FAM120B: variants seen among roughly 807,000 people sequenced by gnomAD.
The protein encoded by FAM120B is constitutive coactivator of peroxisome proliferator-activated receptor gamma.
Under a neutral mutation model 96.3 loss-of-function variants are expected in FAM120B, and 83 were observed. The ratio of observed to expected loss-of-function variants is 0.86; its 90% CI spans 0.72 to 1.03. FAM120B has a LOEUF of 1.03. FAM120B is among the 50% of genes least tolerant of loss of function. FAM120B has a pLI of 0.00. For synonymous variants in FAM120B, 407 were observed against 402.7 expected, an observed-to-expected ratio of 1.01 and a Z score of -0.13; for missense variants, 1,027 against 1,121.2, an observed-to-expected ratio of 0.92 and a Z score of 1.20.
At chr6:170,358,719 C>T (rs747464497) in intron 6 of FAM120B, among the ~76,000 whole-genome samples, 10 of 152,210 alleles carry the variant, frequency 6.6e-5, no homozygotes, top group African/African-American at 2.4e-4. Context: ...CCTCCTGGCG[C>T]GTTGGCTGTG....
chr6:170,318,004 T>C lies in FAM120B; in HGVS notation c.614T>C (p.Met205Thr), dbSNP rs572861917. The C allele has an allele frequency of 1.9e-6, 3 of 1,613,880 alleles. No individual in the cohort carries two copies. In the East Asian group the frequency reaches 6.7e-5, roughly 36 times the overall value. Residue 205 changes from methionine to threonine, a missense_variant, in exon 2 of 11, where the codon ATG becomes ACG. Met to Thr is a moderately conservative substitution (Grantham distance 81, BLOSUM62 -1). Around this residue, in one of 3 missense-constraint regions of FAM120B, gnomAD observed 880 missense variants for 980.9 expected, o/e 0.90. Coordinates refer to ENST00000476287, the MANE Select transcript of FAM120B (RefSeq NM_032448.3). Reference sequence around the variant, plus strand: ...TGCCTAGAGAGCCTGGACACCGTCATGCTCTGCAGAGAGAAGCTCTGTGAG... The same window carrying C: ...TGCCTAGAGAGCCTGGACACCGTCACGCTCTGCAGAGAGAAGCTCTGTGAG... The part of the protein sequence containing the change: ...ELCLESLDTV[M>T]LCREKLCESL...
At chr6:170,403,378 C>A (rs371290934) in intron 9 of FAM120B, among the ~76,000 whole-genome samples, 14 of 152,222 alleles carry the variant, frequency 9.2e-5, no homozygotes, top group African/African-American at 3.1e-4. Context: ...TTTGGTATTT[C>A]TTGAAGATAT....
intron 1 of FAM120B, among the ~76,000 whole-genome samples, chr6:170,297,687 C>G (rs556147409): frequency 7.9e-4 from 120 of 152,240 alleles, no homozygotes; most frequent in Non-Finnish European, 1.4e-3. Context: ...GTTGGGGGCC[C>G]GTGCTGGGGA....
chr6:170,385,530 G>A (rs1410726255), intron 6 of FAM120B, among the ~76,000 whole-genome samples: 1 of 152,100 alleles, frequency 6.6e-6, no homozygotes, highest in Non-Finnish European at 1.5e-5. Flanking sequence ...TATGTCATTC[G>A]CAGGAGTTCT....
intron 5 of FAM120B, among the ~76,000 whole-genome samples, chr6:170,356,462 G>A (rs1174553150): frequency 6.6e-6 from 1 of 152,166 alleles, no homozygotes; most frequent in African/African-American, 2.4e-5. Context: ...TAAATTCGAT[G>A]TTTTGATGTG....
intron 6 of FAM120B, among the ~76,000 whole-genome samples, chr6:170,368,906 G>A (rs1262655671): frequency 6.6e-6 from 1 of 150,914 alleles, no homozygotes; most frequent in East Asian, 2.1e-4. Flanking sequence ...GTCTCCTGAG[G>A]GCACTCACCT....
In FAM120B at chr6:170,335,046, G is replaced by T. The variant is rs78541263; in HGVS notation, c.2017+4496G>T. ...TCAGGGTTTTTTGAGTTTTTTTTTT[G>T]TTTTTTTTTTTAATGTAAGTTCTGG... On this transcript the variant is annotated intron_variant, in intron 4 of 10. Transcript: ENST00000476287. 0.01 allele frequency among the ~76,000 whole-genome samples: 1,363 copies of T among 133,972 alleles called. 62 individuals are homozygous for T. In the East Asian group the frequency reaches 0.11, roughly 11 times the overall value. The allele number at this position is 133,972 out of a possible 152,430, so 87.9% of individuals were successfully genotyped here. A position where few individuals can be genotyped will look rare whatever the true frequency, so the allele number is the denominator to read the frequency against.
upstream of FAM120B, among the ~76,000 whole-genome samples, chr6:170,302,118 T>A (rs2005444): frequency 0.1 from 15,605 of 152,234 alleles, 902 homozygotes; most frequent in African/African-American, 0.14. Context: ...CTGGGTGATT[T>A]ATAAAGGAAA....
intron 6 of FAM120B, among the ~76,000 whole-genome samples, chr6:170,386,328 AAC>A (rs1394112367): frequency 6.9e-4 from 105 of 152,266 alleles, no homozygotes; most frequent in Non-Finnish European, 1.4e-3. Flanking sequence ...AAAACTGATA[AAC>A]CTGTTACTAA....
intron 6 of FAM120B, among the ~76,000 whole-genome samples, chr6:170,362,721 G>C (rs1294692210): frequency 7.2e-6 from 1 of 139,490 alleles, no homozygotes; most frequent in Non-Finnish European, 1.5e-5. Context: ...TGGCTCTGTT[G>C]CCCAGACTGG....
intron 3 of FAM120B, among the ~76,000 whole-genome samples, chr6:170,330,183 C>A (rs966631706): frequency 2.0e-5 from 3 of 152,222 alleles, no homozygotes; most frequent in Non-Finnish European, 4.4e-5. Flanking sequence ...ACATGGTAAA[C>A]TCTCTCTCCC....
At chr6:170,291,917 G>C (rs1231876615), upstream of FAM120B, among the ~76,000 whole-genome samples, 5 of 152,226 alleles carry the variant, frequency 3.3e-5, no homozygotes, top group Non-Finnish European at 5.9e-5. Flanking sequence ...TCTCTCCCGG[G>C]TATCCCCCTC....
chr6:170,299,754 TTC>T (rs1190501631), intron 1 of FAM120B, among the ~76,000 whole-genome samples: 2 of 152,358 alleles, frequency 1.3e-5, no homozygotes, highest in South Asian at 4.1e-4. Flanking sequence ...ATAAAGAAGA[TTC>T]TCTCTCTTAT....
chr6:170,312,539 G>A (rs188912211), intron 1 of FAM120B, among the ~76,000 whole-genome samples: 15 of 152,158 alleles, frequency 9.9e-5, no homozygotes, highest in African/African-American at 3.1e-4. Context: ...GGAACTTTTC[G>A]TTTTATCAAC....
intron 9 of FAM120B, among the ~76,000 whole-genome samples, chr6:170,402,574 C>T (rs964640049): frequency 4.6e-5 from 7 of 152,176 alleles, no homozygotes; most frequent in Non-Finnish European, 1.0e-4. Context: ...CTGTCTCTGT[C>T]GCCTCGTTCC....
In FAM120B at chr6:170,387,752, A is replaced by G. The variant is rs190922211; in HGVS notation, c.2284-535A>G. Among the ~76,000 whole-genome samples the G allele has an allele frequency of 4.7e-3, 709 of 152,366 alleles. 4 individuals are homozygous for G. The highest frequency in any genetic ancestry group is 0.024 in the South Asian group (114 of 4,828). The stretch of plus-strand genomic sequence containing the variant: ...GTGTTCATTTAAAGTTAGATCTTTC[A>G]TAACAAATACTCATAATTACAACAA... On this transcript the variant is annotated intron_variant, in intron 6 of 10. Coordinates refer to ENST00000476287, the MANE Select transcript of FAM120B (RefSeq NM_032448.3).
chr6:170,393,148 CAAAA>C (rs66472378), intron 8 of FAM120B, among the ~76,000 whole-genome samples: 3 of 119,748 alleles, frequency 2.5e-5, no homozygotes, highest in African/African-American at 9.5e-5. Flanking sequence ...CCTGTCTTTA[CAAAA>C]AAAAAAAAAA....
chr6:170,313,013 G>A lies in FAM120B; in HGVS notation c.-21-4357G>A, dbSNP rs547387733. On this transcript the variant is annotated intron_variant, in intron 1 of 10. Coordinates refer to ENST00000476287, the MANE Select transcript of FAM120B (RefSeq NM_032448.3). Reference sequence around the variant, plus strand: ...AGGCCTGGTAGAGAGGAGGGCTCAAGGCCCTAGCAAAAGTGTGGTCAAGAT... The same window carrying A: ...AGGCCTGGTAGAGAGGAGGGCTCAAAGCCCTAGCAAAAGTGTGGTCAAGAT... Among the ~76,000 whole-genome samples, 45 of 152,308 alleles carry A rather than the reference G, an allele frequency of 3.0e-4. No individual in the cohort carries two copies. The South Asian group carries it at 9.1e-3, about 31-fold the overall frequency.
chr6:170,338,434 G>A (rs1022825402), intron 4 of FAM120B, among the ~76,000 whole-genome samples: 7 of 152,176 alleles, frequency 4.6e-5, no homozygotes, highest in Non-Finnish European at 1.0e-4. Context: ...ATTTGCTGAG[G>A]TGCGTTTTAC....
Sources: gnomAD v4.1 joint callset for allele counts (sites outside exome capture counted in the v4.1 genomes callset) on GRCh38, gnomAD v4.1.1 for gene constraint, gnomAD v4.1.1 regional missense constraint, MANE v1.5 for transcripts, NCBI Gene and HGNC (gene_info 2026-07-23, HGNC 2026-07-21) for gene names.